The following MED27 variants were observed in gnomAD, a reference collection of about 807,000 sequenced individuals.
The protein encoded by MED27 is mediator complex subunit 27.
A neutral mutation model predicts 38.2 loss-of-function variants in MED27; 30 were observed. That is an observed-to-expected ratio of 0.79 (90% CI 0.59 to 1.07). MED27 has a LOEUF of 1.07. Among genes scored for constraint, MED27 ranks in the 50% least tolerant of loss-of-function variants. MED27 has a pLI of 0.00. For synonymous variants in MED27, 122 were observed against 153.5 expected, an observed-to-expected ratio of 0.79 and a Z score of 1.52; for missense variants, 289 against 397.5, an observed-to-expected ratio of 0.73 and a Z score of 2.32.
intron 2 of MED27, among the ~76,000 whole-genome samples, chr9:132,054,691 T>A (rs1833538851): frequency 6.6e-6 from 1 of 152,198 alleles, no homozygotes; most frequent in Admixed American, 6.5e-5. Flanking sequence ...ATTACAGGCA[T>A]GAGCCATCAC....
chr9:131,962,971 T>C (rs2131000689), intron 3 of MED27, among the ~76,000 whole-genome samples: 1 of 152,364 alleles, frequency 6.6e-6, no homozygotes. Context: ...CATTTCAGCA[T>C]TGATTCAAAT....
At chr9:132,047,599 C>T (rs1425939956) in intron 2 of MED27, among the ~76,000 whole-genome samples, 1 of 151,920 alleles carries the variant, frequency 6.6e-6, no homozygotes, top group Non-Finnish European at 1.5e-5. Context: ...TTCCGAGACT[C>T]TATCTTTAGG....
At chr9:131,873,536 C>T (rs1838872133) in intron 6 of MED27, among the ~76,000 whole-genome samples, 2 of 152,168 alleles carry the variant, frequency 1.3e-5, no homozygotes, top group African/African-American at 4.8e-5. Context: ...GGCCTAGCAG[C>T]CTGGAGAGGA....
At chr9:131,881,235 C>T (rs1839032154) in intron 6 of MED27, among the ~76,000 whole-genome samples, 1 of 152,192 alleles carries the variant, frequency 6.6e-6, no homozygotes, top group Admixed American at 6.5e-5. Flanking sequence ...ATGACAAGGA[C>T]AGTCAGCACG....
rs1833596338 is a variant in MED27, at chr9:132,057,144, C to T, written c.348+20298G>A. Among the ~76,000 whole-genome samples the T allele has an allele frequency of 2.0e-5, 3 of 152,314 alleles. No individual in the cohort carries two copies. In the South Asian group the frequency reaches 6.2e-4, roughly 32 times the overall value. On this transcript the variant is annotated intron_variant, in intron 2 of 7. Transcript: ENST00000292035. ...AATGCCTCCTTTTTGTTCACATGAA[C>T]TCAAGTGAATCTTTTCCTTTTAATC...
chr9:131,962,904 A>AT (rs1173140925), intron 3 of MED27, among the ~76,000 whole-genome samples: 1 of 152,182 alleles, frequency 6.6e-6, no homozygotes. Flanking sequence ...AGATGGTTTC[A>AT]TTTTATCTGA....
chr9:131,903,459 C>A (rs1829991737), intron 4 of MED27, among the ~76,000 whole-genome samples: 1 of 152,148 alleles, frequency 6.6e-6, no homozygotes, highest in South Asian at 2.1e-4. Context: ...ACAGGTGTTA[C>A]CCCATTAGTC....
chr9:131,978,602 C>T (rs954028184), intron 3 of MED27, among the ~76,000 whole-genome samples: 3 of 152,026 alleles, frequency 2.0e-5, no homozygotes, highest in Non-Finnish European at 4.4e-5. Context: ...TGATGGATGC[C>T]GGAGTCCATA....
At position 131,936,171 on chromosome 9, in the gene MED27, G is replaced by GA. The variant is rs147874050; in HGVS notation, c.573+3209dup. ...AAAAAGAAAGAAAGAAAGAAAGAAAGAAAAAATCACCAGCCTAGTGCCTGG... is the reference window on the plus strand; with the variant it reads ...AAAAAGAAAGAAAGAAAGAAAGAAAGAAAAAAATCACCAGCCTAGTGCCTGG... On this transcript the variant is annotated intron_variant, in intron 4 of 7. Transcript: ENST00000292035. Among the ~76,000 whole-genome samples the GA allele has an allele frequency of 4.9e-3, 742 of 150,618 alleles. 18 individuals are homozygous for GA. The highest frequency in any genetic ancestry group is 0.035 in the Admixed American group (533 of 15,048).
At chr9:131,938,837 C>T (rs1455015295) in intron 4 of MED27, among the ~76,000 whole-genome samples, 2 of 152,012 alleles carry the variant, frequency 1.3e-5, no homozygotes, top group East Asian at 1.9e-4. Context: ...CCTCAGCCTC[C>T]CCAGCAGCTG....
At chr9:131,877,014 T>C (rs985202960) in intron 6 of MED27, among the ~76,000 whole-genome samples, 4 of 152,044 alleles carry the variant, frequency 2.6e-5, no homozygotes, top group Admixed American at 6.5e-5. Flanking sequence ...GGCGGGGAGA[T>C]GGTCAGAGGG....
In MED27 at chr9:132,061,733, C is replaced by T. The variant is rs561760019; in HGVS notation, c.348+15709G>A. 3.3e-5 allele frequency among the ~76,000 whole-genome samples: 5 copies of T among 152,338 alleles called. No homozygotes were observed. The East Asian group carries it at 7.7e-4, about 24-fold the overall frequency. ...CCAGAGCCCAGGCTTTCACCCCATT[C>T]ATCGCAGCTGCTCCTGGCTTGATGC... On this transcript the variant is annotated intron_variant, in intron 2 of 7. Coordinates refer to ENST00000292035, the MANE Select transcript of MED27 (RefSeq NM_004269.4).
chr9:131,907,964 A>G (rs1242570810), intron 4 of MED27, among the ~76,000 whole-genome samples: 1 of 148,018 alleles, frequency 6.8e-6, no homozygotes, highest in Non-Finnish European at 1.5e-5. Context: ...CTGAGAAGTG[A>G]GGAGACCCTC....
chr9:131,875,021 C>T (rs1838905000), intron 6 of MED27, among the ~76,000 whole-genome samples: 1 of 152,136 alleles, frequency 6.6e-6, no homozygotes, highest in South Asian at 2.1e-4. Context: ...AGAGAGACCC[C>T]GCCAAGAGGC....
chr9:132,037,096 G>A (rs1833095232), intron 2 of MED27, among the ~76,000 whole-genome samples: 1 of 152,176 alleles, frequency 6.6e-6, no homozygotes, highest in Non-Finnish European at 1.5e-5. Flanking sequence ...ACTGCGCTGG[G>A]CACAGGTGAA....
intron 2 of MED27, among the ~76,000 whole-genome samples, chr9:132,030,111 T>A (rs996530007): frequency 1.3e-5 from 2 of 152,228 alleles, no homozygotes; most frequent in African/African-American, 4.8e-5. Flanking sequence ...CTGGTCCATC[T>A]GTTGGAGGTG....
intron 2 of MED27, among the ~76,000 whole-genome samples, chr9:132,028,874 C>A (rs1180859228): frequency 6.6e-6 from 1 of 152,138 alleles, no homozygotes; most frequent in Non-Finnish European, 1.5e-5. Flanking sequence ...AACAAGCACC[C>A]CCAGGCAGCT....
At chr9:132,054,657 G>T (rs558018411) in intron 2 of MED27, among the ~76,000 whole-genome samples, 2 of 152,022 alleles carry the variant, frequency 1.3e-5, no homozygotes, top group Non-Finnish European at 2.9e-5. Context: ...AGATCCACTC[G>T]CCTCGGCCTC....
At chr9:131,931,719 C>T (rs1241723739) in intron 4 of MED27, among the ~76,000 whole-genome samples, 1 of 151,978 alleles carries the variant, frequency 6.6e-6, no homozygotes, top group African/African-American at 2.4e-5. Flanking sequence ...TATACTTACA[C>T]AAAATAGATT....
Sources: allele counts gnomAD v4.1 joint callset (sites outside exome capture counted in the v4.1 genomes callset), GRCh38; gene constraint gnomAD v4.1.1; transcripts MANE v1.5; gene names NCBI Gene and HGNC (gene_info 2026-07-23, HGNC 2026-07-21).